UBE2U: variants seen among roughly 807,000 people sequenced by gnomAD.
UBE2U encodes ubiquitin-conjugating enzyme E2 U.
In UBE2U, 39 loss-of-function variants were observed where a neutral mutation model predicts 41.2. That is an observed-to-expected ratio of 0.95 (90% confidence interval 0.73 to 1.24). UBE2U has a LOEUF of 1.24. Among genes scored for constraint, UBE2U ranks in the 50% most tolerant of loss-of-function variants. UBE2U has a pLI of 0.00. For missense variants in UBE2U, 336 were observed against 363.1 expected, an observed-to-expected ratio of 0.93 and a Z score of 0.61; for synonymous variants, 107 against 117.8, an observed-to-expected ratio of 0.91 and a Z score of 0.60.
At chr1:64,209,615 T>A (rs1651538966) in intron 3 of UBE2U, among the ~76,000 whole-genome samples, 1 of 152,184 alleles carries the variant, frequency 6.6e-6, no homozygotes, top group South Asian at 2.1e-4. Flanking sequence ...AATACTTTGA[T>A]CTATTTTATA....
chr1:64,245,627 T>C (rs1475657325), intron 8 of UBE2U, among the ~76,000 whole-genome samples: 1 of 152,178 alleles, frequency 6.6e-6, no homozygotes, highest in Admixed American at 6.5e-5. Context: ...CATTTCCTAA[T>C]TCATGTTGGC....
chr1:64,254,019 A>C (rs1645052905), intron 8 of UBE2U, among the ~76,000 whole-genome samples: 1 of 152,196 alleles, frequency 6.6e-6, no homozygotes, highest in Non-Finnish European at 1.5e-5. Flanking sequence ...CGAGAGACCC[A>C]TCTCACATGT....
chr1:64,244,119 T>C, intron 8 of UBE2U: 1 of 1,602,508 alleles, frequency 6.2e-7, no homozygotes, highest in Non-Finnish European at 8.5e-7. Context: ...TGGCCCTCAT[T>C]CAATTTGCAG....
chr1:64,212,724 C>A (rs1016439605), intron 4 of UBE2U, among the ~76,000 whole-genome samples: 6 of 152,106 alleles, frequency 3.9e-5, no homozygotes, highest in African/African-American at 1.4e-4. Flanking sequence ...CTGAAATACT[C>A]CAGTGAGCAT....
At chr1:64,234,389 A>G (rs1326082379) in intron 7 of UBE2U, among the ~76,000 whole-genome samples, 1 of 152,118 alleles carries the variant, frequency 6.6e-6, no homozygotes, top group Non-Finnish European at 1.5e-5. Flanking sequence ...CTGCAACATT[A>G]TGAATGCTTC....
At chr1:64,204,562 C>A (rs754538265) in intron 1 of UBE2U, among the ~76,000 whole-genome samples, 4 of 152,174 alleles carry the variant, frequency 2.6e-5, no homozygotes, top group Non-Finnish European at 4.4e-5. Context: ...TTCCTGTGTT[C>A]CACTGCTTAC....
At chr1:64,227,862 A>AC (rs1313860830) in intron 6 of UBE2U, among the ~76,000 whole-genome samples, 1 of 152,190 alleles carries the variant, frequency 6.6e-6, no homozygotes, top group Non-Finnish European at 1.5e-5. Context: ...ATGTAATGAA[A>AC]CATGTACAAG....
At chr1:64,221,539 A>C (rs1455131027) in intron 6 of UBE2U, among the ~76,000 whole-genome samples, 1 of 152,236 alleles carries the variant, frequency 6.6e-6, no homozygotes, top group Non-Finnish European at 1.5e-5. Context: ...AAATGGTAAG[A>C]GTTAGGGCTG....
intron 8 of UBE2U, among the ~76,000 whole-genome samples, chr1:64,249,032 T>G (rs1355194485): frequency 6.6e-6 from 1 of 152,072 alleles, no homozygotes; most frequent in Admixed American, 6.6e-5. Context: ...ATAACAAAAT[T>G]TAGCACCTAA....
At chr1:64,213,068 T>A (rs1239967652) in intron 4 of UBE2U, among the ~76,000 whole-genome samples, 3 of 152,232 alleles carry the variant, frequency 2.0e-5, no homozygotes, top group African/African-American at 7.2e-5. Context: ...AAGAGCTTTC[T>A]GCTCTTTTCT....
At chr1:64,239,137 A>AAGAGGAAGAGGAAGAG (rs1557730443) in intron 7 of UBE2U, among the ~76,000 whole-genome samples, 1,059 of 28,422 alleles carry the variant, frequency 0.037, 77 homozygotes, top group African/African-American at 0.17. Context: ...AAGAAGAAGA[A>AAGAGGAAGAGGAAGAG]GAAGAAGAAG....
rs1051026227 is a variant in UBE2U, at chr1:64,257,720, C to T, written c.678-2883C>T. Among the ~76,000 whole-genome samples the T allele has an allele frequency of 3.9e-5, 6 of 152,000 alleles. No individual in the cohort carries two copies. In the East Asian group the frequency reaches 7.7e-4, roughly 20 times the overall value. ...CTGTGCAGTAATCCACCATGGCACACGTTTACCTATGTAACAAACCTGCAC... is the reference window on the plus strand; with the variant it reads ...CTGTGCAGTAATCCACCATGGCACATGTTTACCTATGTAACAAACCTGCAC... On this transcript the variant is annotated intron_variant, in intron 8 of 9. Transcript: ENST00000371077.
At chr1:64,256,682 G>T (rs1645097578) in intron 8 of UBE2U, among the ~76,000 whole-genome samples, 1 of 152,028 alleles carries the variant, frequency 6.6e-6, no homozygotes, top group Non-Finnish European at 1.5e-5. Context: ...GAAAATCTAG[G>T]CAATACCATT....
intron 8 of UBE2U, among the ~76,000 whole-genome samples, chr1:64,252,799 A>T (rs917282935): frequency 1.3e-5 from 2 of 152,198 alleles, no homozygotes; most frequent in Non-Finnish European, 2.9e-5. Flanking sequence ...GCCCATAAAG[A>T]TGAGAAAAAG....
chr1:64,223,446 G>A (rs1231586594), intron 6 of UBE2U, among the ~76,000 whole-genome samples: 1 of 152,090 alleles, frequency 6.6e-6, no homozygotes, highest in Non-Finnish European at 1.5e-5. Context: ...AGAATGCTGA[G>A]GGCAGATTGA....
At chr1:64,243,506 A>G (rs773518823) in intron 8 of UBE2U, among the ~76,000 whole-genome samples, 1 of 152,194 alleles carries the variant, frequency 6.6e-6, no homozygotes, top group African/African-American at 2.4e-5. Flanking sequence ...TAATTGGTCT[A>G]TATTGTGCAT....
rs765785623 is a variant in UBE2U at position 64,206,751 on chromosome 1, T to A, written c.149-13T>A. On this transcript the variant is annotated splice_polypyrimidine_tract_variant and intron_variant, in intron 2 of 9. Transcript: ENST00000371077. ...ATGACACTTTAGTAAAAATGTTTATTTCTATATTATAGGTTTAGTCTTCCA... is the reference window on the plus strand; with the variant it reads ...ATGACACTTTAGTAAAAATGTTTATATCTATATTATAGGTTTAGTCTTCCA... 2 of 1,487,428 alleles carry A rather than the reference T, an allele frequency of 1.3e-6. No individual in the cohort carries two copies. The highest frequency in any genetic ancestry group is 9.3e-7 in the Non-Finnish European group (1 of 1,075,090). 92.1% of individuals were successfully genotyped at this position (1,487,428 alleles called of 1,614,324 possible).
chr1:64,244,225 T>C, intron 8 of UBE2U: 1 of 1,559,412 alleles, frequency 6.4e-7, no homozygotes, highest in South Asian at 1.2e-5. Flanking sequence ...TGAACTTGTT[T>C]TTTTATCTGT....
chr1:64,247,823 C>T (rs996201371), intron 8 of UBE2U, among the ~76,000 whole-genome samples: 2 of 150,388 alleles, frequency 1.3e-5, no homozygotes, highest in African/African-American at 4.9e-5. Flanking sequence ...ATGGTTGTGC[C>T]ACTGCACTCC....
Sources: allele counts gnomAD v4.1 joint callset (sites outside exome capture counted in the v4.1 genomes callset), GRCh38; gene constraint gnomAD v4.1.1; transcripts MANE v1.5; gene names NCBI Gene and HGNC (gene_info 2026-07-23, HGNC 2026-07-21).